ABLIM2: variants seen among roughly 807,000 people sequenced by gnomAD.
ABLIM2 encodes the protein actin binding LIM protein family member 2.
Under a neutral mutation model 97.7 loss-of-function variants are expected in ABLIM2, and 53 were observed. The ratio of observed to expected loss-of-function variants is 0.54; its 90% CI spans 0.44 to 0.68. The LOEUF is 0.68. ABLIM2 is among the 30% of genes least tolerant of loss of function. The probability of loss-of-function intolerance (pLI) is 0.00; values close to 1 mark genes in which losing one functional copy is unlikely to be tolerated. For missense variants in ABLIM2, 835 were observed against 867.2 expected (o/e 0.96, Z 0.47); for synonymous variants, 361 against 345.8 (o/e 1.04, Z -0.49).
intron 1 of ABLIM2, among the ~76,000 whole-genome samples, chr4:8,109,222 G>C (rs1839098432): frequency 6.6e-6 from 1 of 152,240 alleles, no homozygotes; most frequent in Non-Finnish European, 1.5e-5. Context: ...CAGAGCCAGG[G>C]GTGCTGCAGA....
At chr4:8,090,872 C>G (rs1268546189) in intron 3 of ABLIM2, among the ~76,000 whole-genome samples, 1 of 152,128 alleles carries the variant, frequency 6.6e-6, no homozygotes, top group Non-Finnish European at 1.5e-5. Context: ...ACAGCCATTC[C>G]ATGCAACTGC....
In ABLIM2 at chr4:7,970,300, CCTGCTGGGGGAGGCTAAGGGAGG is replaced by C. The variant is rs1726767508; in HGVS notation, c.1825-3220_1825-3198del. Among the ~76,000 whole-genome samples, 1 of 152,070 alleles carries C rather than the reference CCTGCTGGGGGAGGCTAAGGGAGG, an allele frequency of 6.6e-6. No homozygotes were observed. The highest frequency in any genetic ancestry group is 1.5e-5 in the Non-Finnish European group (1 of 68,008). ...CCTCCCTGTGGCCACATTCCTGCTT[CCTGCTGGGGGAGGCTAAGGGAGG>C]GGCGCAAAGGTGCTGGTGGGCAGAG... On this transcript the variant is annotated intron_variant, in intron 20 of 20. Transcript: ENST00000447017. The surrounding 1 kb of genome is among the most constrained non-coding windows in gnomAD (Gnocchi z 5.3).
At chr4:8,086,922 G>C (rs73216490) in intron 4 of ABLIM2, among the ~76,000 whole-genome samples, 2,958 of 151,864 alleles carry the variant, frequency 0.019, 40 homozygotes, top group Non-Finnish European at 0.032. Flanking sequence ...GCGCCCTCCC[G>C]ACCCGGTGGG....
rs774237089 is a variant in ABLIM2, at chr4:8,008,063, G to C, written c.1614C>G (p.His538Gln). The C allele has an allele frequency of 1.2e-6, 2 of 1,613,898 alleles. No homozygotes were observed. Among genetic ancestry groups the C allele is most frequent in the South Asian group, 2.2e-5 (2 of 91,074 alleles). ...PLQRMAGDSF[H>Q]SRFPYSKSDP... ...TTCTTCAAAAGAACCACTCACGTGAGTGAAAGCTGTCCCCTGCCATCCTTT... is the reference window on the plus strand; with the variant it reads ...TTCTTCAAAAGAACCACTCACGTGACTGAAAGCTGTCCCCTGCCATCCTTT... Residue 538 changes from histidine to glutamine, a missense_variant, in exon 16 of 21, where the codon CAC becomes CAG. Transcript: ENST00000447017.
At chr4:8,051,470 T>G (rs907259889) in intron 8 of ABLIM2, among the ~76,000 whole-genome samples, 1 of 146,826 alleles carries the variant, frequency 6.8e-6, no homozygotes, top group Non-Finnish European at 1.5e-5. Flanking sequence ...GGCTGAAGAA[T>G]AGCTTGAATC....
At chr4:8,077,566 C>A in intron 6 of ABLIM2, 62 bp downstream of exon 6, 1 of 1,447,754 alleles carries the variant, frequency 6.9e-7, no homozygotes, top group Admixed American at 2.0e-5. Flanking sequence ...TCCCAGTCAA[C>A]TCCCAGGGGG....
intron 4 of ABLIM2, 31 bp from the exon 5 acceptor site, chr4:8,080,833 C>G (rs201501231): frequency 6.3e-7 from 1 of 1,580,616 alleles, no homozygotes; most frequent in Admixed American, 1.7e-5. Flanking sequence ...CACAGACACC[C>G]CCACCATTGT....
rs141829006 is a variant in ABLIM2 at position 7,998,932 on chromosome 4, G to A, written c.1619-6005C>T. 1.3e-3 allele frequency among the ~76,000 whole-genome samples: 195 copies of A among 152,328 alleles called. No homozygotes were observed. The highest frequency in any genetic ancestry group is 4.3e-3 in the African/African-American group (178 of 41,570). On this transcript the variant is annotated intron_variant, in intron 16 of 20. Coordinates refer to ENST00000447017, the MANE Select transcript of ABLIM2 (RefSeq NM_001130083.2). The surrounding 1 kb of genome is among the most constrained non-coding windows in gnomAD (Gnocchi z 6.4). ...GTAGCAGAGAAGAGCAGAGAGAGACGAGGCGACACTATCTCACCCCCTGGA... is the reference window on the plus strand; with the variant it reads ...GTAGCAGAGAAGAGCAGAGAGAGACAAGGCGACACTATCTCACCCCCTGGA...
At chr4:8,010,976 T>A (rs1005247945) in intron 14 of ABLIM2, among the ~76,000 whole-genome samples, 1 of 152,240 alleles carries the variant, frequency 6.6e-6, no homozygotes, top group African/African-American at 2.4e-5. Flanking sequence ...GGGGCTGAGT[T>A]GGCTGGCAAA....
At chr4:8,108,618 A>G (rs1012396641) in intron 1 of ABLIM2, among the ~76,000 whole-genome samples, 2 of 152,220 alleles carry the variant, frequency 1.3e-5, no homozygotes, top group East Asian at 3.8e-4. Context: ...TCCAGTTAGG[A>G]TCATTTGGAG....
intron 2 of ABLIM2, among the ~76,000 whole-genome samples, chr4:8,103,492 A>T (rs760444920): frequency 3.3e-5 from 5 of 152,228 alleles, no homozygotes; most frequent in African/African-American, 4.8e-5. Context: ...GGCCTGGCAC[A>T]GGTGCCTGGC....
At chr4:8,055,898 AG>A (rs762651650) in intron 7 of ABLIM2, among the ~76,000 whole-genome samples, 42 of 152,250 alleles carry the variant, frequency 2.8e-4, no homozygotes, top group Admixed American at 1.0e-3. Flanking sequence ...GGATCACTCG[AG>A]GTCAGGAGTT....
rs1309007899 is a variant in ABLIM2, at chr4:8,085,734, T to C, written c.454+2435A>G. The stretch of plus-strand genomic sequence containing the variant: ...CGTCCACTCACGCGGGTCTGGGGGG[T>C]GCACCCAGCACATTTCACAGGTGTT... On this transcript the variant is annotated intron_variant, in intron 4 of 20. Transcript: ENST00000447017. The surrounding 1 kb of genome is among the most constrained non-coding windows in gnomAD (Gnocchi z 6.1). Among the ~76,000 whole-genome samples the C allele has an allele frequency of 6.6e-6, 1 of 151,932 alleles. No homozygotes were observed. Among genetic ancestry groups the C allele is most frequent in the Non-Finnish European group, 1.5e-5 (1 of 67,974 alleles).
intron 2 of ABLIM2, among the ~76,000 whole-genome samples, chr4:8,106,071 T>G (rs751714282): frequency 2.0e-5 from 3 of 152,224 alleles, no homozygotes; most frequent in African/African-American, 7.2e-5. Context: ...TTCGCAGTGC[T>G]ACTTCGGGTG....
chr4:7,996,145 C>T lies in ABLIM2; in HGVS notation c.1619-3218G>A, dbSNP rs943994026. The stretch of plus-strand genomic sequence containing the variant: ...GAGGGGTGGTTCTCAAACTGGCATC[C>T]CCAGCTAGCAGCCCCAACCTTGCCA... On this transcript the variant is annotated intron_variant, in intron 16 of 20. Transcript: ENST00000447017. This position sits in a 1 kb window ranked among gnomAD's most constrained non-coding sequence, Gnocchi z 4.5. Among the ~76,000 whole-genome samples the T allele has an allele frequency of 3.3e-5, 5 of 152,290 alleles. No homozygotes were observed. The highest frequency in any genetic ancestry group is 1.2e-4 in the African/African-American group (5 of 41,568).
chr4:8,060,207 G>A (rs950908318), intron 7 of ABLIM2, among the ~76,000 whole-genome samples: 11 of 152,226 alleles, frequency 7.2e-5, no homozygotes, highest in African/African-American at 2.2e-4. Context: ...GCCGAATGCC[G>A]CCATCAGAAG....
intron 14 of ABLIM2, among the ~76,000 whole-genome samples, chr4:8,011,630 G>A (rs1221604381): frequency 1.3e-5 from 2 of 152,230 alleles, no homozygotes; most frequent in East Asian, 3.8e-4. Flanking sequence ...CTAACTTTGA[G>A]GCTAATTTGC....
chr4:8,035,534 A>G (rs1784027271), intron 10 of ABLIM2, among the ~76,000 whole-genome samples: 1 of 152,216 alleles, frequency 6.6e-6, no homozygotes, highest in African/African-American at 2.4e-5. Context: ...TACCTCAGGC[A>G]GCTGCGGTCA....
chr4:7,983,137 C>A, intron 20 of ABLIM2, 127 bp downstream of exon 20: 1 of 981,434 alleles, frequency 1.0e-6, no homozygotes, highest in Non-Finnish European at 1.6e-6. Context: ...GACTCTGCAT[C>A]ACGGCAAGGC....
Sources: allele counts gnomAD v4.1 joint callset (sites outside exome capture counted in the v4.1 genomes callset), GRCh38; gene constraint gnomAD v4.1.1; non-coding constraint Gnocchi (gnomAD v3.1); transcripts MANE v1.5; gene names NCBI Gene and HGNC (gene_info 2026-07-23, HGNC 2026-07-21).